Variants in KLHDC2 observed in about 807,000 individuals in gnomAD.
The protein encoded by KLHDC2 is kelch domain containing 2.
KLHDC2 carries 38 observed loss-of-function variants against 62.3 expected under a neutral mutation model. That is an observed-to-expected ratio of 0.61 (90% CI 0.47 to 0.80). KLHDC2 has a LOEUF of 0.80. Among genes scored for constraint, KLHDC2 ranks in the 30% least tolerant of loss-of-function variants. The pLI, the probability that KLHDC2 is intolerant of heterozygous loss-of-function variation, is 0.00. For missense variants in KLHDC2, 430 were observed against 495.3 expected (o/e 0.87, Z 1.25); for synonymous variants, 159 against 161.0 (o/e 0.99, Z 0.09).
chr14:49,779,639 C>A lies in KLHDC2; in HGVS notation c.678C>A (p.Val226=), dbSNP rs199762647. The A allele has an allele frequency of 6.2e-7, 1 of 1,614,094 alleles. No homozygotes were observed. Among genetic ancestry groups the A allele is most frequent in the Admixed American group, 1.7e-5 (1 of 60,024 alleles). The change falls in exon 7 of 13, where the codon GTC becomes GTA. Residue 226 remains valine, a synonymous_variant. Coordinates refer to ENST00000298307, the MANE Select transcript of KLHDC2 (RefSeq NM_014315.3). ...SPRAAHACAT[V]GNRGFVFGGR... is the part of the protein sequence containing the mutation. ...GTGCTGCCCATGCCTGTGCAACTGT[C>A]GGAAATAGAGGCTTCGTGTTTGGAG...
rs147973630 is a variant in KLHDC2, at chr14:49,768,941, A to T, written c.153+320A>T. On this transcript the variant is annotated intron_variant, in intron 1 of 12. Coordinates refer to ENST00000298307, the MANE Select transcript of KLHDC2 (RefSeq NM_014315.3). Reference sequence around the variant, plus strand: ...CCTGTTAATGTTGCTTGGGCGGTGCATTCGGAAGGGTTGGGGTGTGAAAGG... The same window carrying T: ...CCTGTTAATGTTGCTTGGGCGGTGCTTTCGGAAGGGTTGGGGTGTGAAAGG... 6.3e-5 allele frequency: 19 copies of T among 301,108 alleles called. No homozygotes were observed. The East Asian group carries it at 1.4e-3, about 22-fold the overall frequency. 18.7% of individuals were successfully genotyped at this position (301,108 alleles called of 1,614,324 possible).
At chr14:49,768,655 T>G in intron 1 of KLHDC2, 34 bp downstream of exon 1, 1 of 1,543,098 alleles carries the variant, frequency 6.5e-7, no homozygotes. Flanking sequence ...CGGACGTCGC[T>G]CGGCTGTGAC....
At chr14:49,768,696 G>T (rs1481634600) in intron 1 of KLHDC2, 75 bp downstream of exon 1, 1 of 1,360,300 alleles carries the variant, frequency 7.4e-7, no homozygotes, top group Non-Finnish European at 9.6e-7. Flanking sequence ...AGGCGGGGAG[G>T]CCAGAGCGGG....
intron 10 of KLHDC2, among the ~76,000 whole-genome samples, chr14:49,781,496 A>G (rs1208490274): frequency 6.6e-6 from 1 of 152,066 alleles, no homozygotes; most frequent in East Asian, 1.9e-4. Flanking sequence ...CTGGAGGCTG[A>G]GGCAGGCAGA....
chr14:49,781,369 CAAA>C (rs1555343492), intron 10 of KLHDC2, among the ~76,000 whole-genome samples: 2 of 124,692 alleles, frequency 1.6e-5, no homozygotes, highest in Admixed American at 8.4e-5. Context: ...AACTCTGTCT[CAAA>C]AAAAAAAAAA....
rs1398372524 is a variant in KLHDC2 at position 49,785,735 on chromosome 14, A to G, written c.*2782A>G. ...AAACACCATCTCTACAAAAAATATA[A>G]AAGTTAGCTGGGTATAGTGGGTGCC... On this transcript the variant is annotated 3_prime_UTR_variant, in exon 13 of 13. Coordinates refer to ENST00000298307, the MANE Select transcript of KLHDC2 (RefSeq NM_014315.3). 1.1e-5 allele frequency: 2 copies of G among 182,252 alleles called. No individual in the cohort carries two copies. Among genetic ancestry groups the G allele is most frequent in the South Asian group, 1.1e-4 (1 of 9,094 alleles). The allele number at this position is 182,252 out of a possible 1,614,324, so 11.3% of individuals were successfully genotyped here. A position where few individuals can be genotyped will look rare whatever the true frequency, so the allele number is the denominator to read the frequency against.
chr14:49,769,770 C>G (rs987596959), intron 1 of KLHDC2, among the ~76,000 whole-genome samples: 3 of 78,026 alleles, frequency 3.8e-5, no homozygotes, highest in Admixed American at 1.6e-4. Context: ...AACTCCGTCT[C>G]TACTAAAAAT....
In KLHDC2 at chr14:49,779,580, ATGTGCCTCTAAT is replaced by A. The variant is rs1442001321; in HGVS notation, c.634-14_634-3del. The A allele has an allele frequency of 1.9e-6, 3 of 1,607,140 alleles. No individual in the cohort carries two copies. The highest frequency in any genetic ancestry group is 2.6e-6 in the Non-Finnish European group (3 of 1,174,564). ...TTATAAAAAGTTCACTAACTTGCTT[ATGTGCCTCTAAT>A]AGGGTAAAGCACCTTCACCTCGTGC... is the stretch of plus-strand genomic sequence containing the variant. On this transcript the variant is annotated splice_polypyrimidine_tract_variant and splice_region_variant and intron_variant, in intron 6 of 12. Coordinates refer to ENST00000298307, the MANE Select transcript of KLHDC2 (RefSeq NM_014315.3).
Position 49,780,736 on chromosome 14 carries a change from A to T in KLHDC2, c.917A>T (p.Glu306Val). Residue 306 changes from glutamate to valine, a missense_variant, in exon 10 of 13, where the codon GAA becomes GTA. By Grantham distance (121) the Glu-to-Val change is moderately radical (BLOSUM62 -2). Transcript: ENST00000298307. The stretch of plus-strand genomic sequence containing the variant: ...TGGACTTACTGCATCAGTAAAAATG[A>T]ATGGATACAATTTAATCATCCATAT... The part of the protein sequence containing the change: ...DAWTYCISKN[E>V]WIQFNHPYTE... 1 of 1,608,756 alleles carries T rather than the reference A, an allele frequency of 6.2e-7. No homozygotes were observed. Among genetic ancestry groups the T allele is most frequent in the Non-Finnish European group, 8.5e-7 (1 of 1,175,098 alleles).
Position 49,785,177 on chromosome 14 carries a change from A to C in KLHDC2, c.*2224A>C, listed in dbSNP as rs531650499. Reference sequence around the variant, plus strand: ...CATGTGTTACTAAATAGACGTTACAAAACAATTCACAAAAGCCATTCTGTC... The same window carrying C: ...CATGTGTTACTAAATAGACGTTACACAACAATTCACAAAAGCCATTCTGTC... On this transcript the variant is annotated 3_prime_UTR_variant, in exon 13 of 13. Coordinates refer to ENST00000298307, the MANE Select transcript of KLHDC2 (RefSeq NM_014315.3). 1.9e-6 allele frequency: 3 copies of C among 1,603,824 alleles called. No individual in the cohort carries two copies. The highest frequency in any genetic ancestry group is 2.2e-5 in the East Asian group (1 of 44,790).
In KLHDC2 at chr14:49,771,138, T is replaced by G. The variant is rs183942329; in HGVS notation, c.154-456T>G. On this transcript the variant is annotated intron_variant, in intron 1 of 12. Coordinates refer to ENST00000298307, the MANE Select transcript of KLHDC2 (RefSeq NM_014315.3). ...CTGAGGTGGGTGGATTGCTTGAGGT[T>G]GGGAGTTTGAGACCAGCCTGGCCAA... Among the ~76,000 whole-genome samples, 9 of 151,870 alleles carry G rather than the reference T, an allele frequency of 5.9e-5. No homozygotes were observed. The East Asian group carries it at 1.8e-3, about 30-fold the overall frequency.
rs796384304 is a variant in KLHDC2 at position 49,779,508 on chromosome 14, A to C, written c.634-87A>C. 4.9e-5 allele frequency: 47 copies of C among 951,856 alleles called. No homozygotes were observed. In the African/African-American group the frequency reaches 6.4e-4, roughly 13 times the overall value. 59.0% of individuals were successfully genotyped at this position (951,856 alleles called of 1,614,324 possible). The stretch of plus-strand genomic sequence containing the variant: ...CAACTTTTAAAAGCTCAAGTGCCTT[A>C]CATATTCTTATCCCATATCCAGAGT... On this transcript the variant is annotated intron_variant, in intron 6 of 12. Coordinates refer to ENST00000298307, the MANE Select transcript of KLHDC2 (RefSeq NM_014315.3).
At position 49,777,878 on chromosome 14, in the gene KLHDC2, C is replaced by G. The variant is rs202015978; in HGVS notation, c.391C>G (p.Gln131Glu). ...LDSRSTDRVLQWERIDCQGIP... is the reference protein window; with the variant it reads ...LDSRSTDRVLEWERIDCQGIP... ...TTCAAGGTCTACAGACAGAGTGTTA[C>G]AGTGGGAAAGAATTGATTGCCAAGG... is the stretch of plus-strand genomic sequence containing the variant. Residue 131 changes from glutamine (Q) to glutamate (E), a missense_variant, in exon 4 of 13, where the codon CAG (glutamine) becomes GAG (glutamate). Coordinates refer to ENST00000298307, the MANE Select transcript of KLHDC2 (RefSeq NM_014315.3). 9.3e-6 allele frequency: 15 copies of G among 1,610,904 alleles called. No homozygotes were observed. The highest frequency in any genetic ancestry group is 1.3e-5 in the African/African-American group (1 of 74,956).
intron 6 of KLHDC2, among the ~76,000 whole-genome samples, 158 bp from the exon 7 acceptor site, chr14:49,779,437 T>G (rs1889841283): frequency 6.6e-6 from 1 of 152,228 alleles, no homozygotes; most frequent in South Asian, 2.1e-4. Context: ...TGCCCAGTTT[T>G]GGTAGTCAGC....
chr14:49,771,497 C>T, intron 1 of KLHDC2, 97 bp from the exon 2 acceptor site: 1 of 635,540 alleles, frequency 1.6e-6, no homozygotes, highest in Non-Finnish European at 2.8e-6. Context: ...ATTTTTCATA[C>T]TAATTATGAA....
In KLHDC2 at chr14:49,777,868, CAG is replaced by C. The variant is rs774922971; in HGVS notation, c.384_385del (p.Arg128SerfsTer8). The C allele has an allele frequency of 8.1e-6, 13 of 1,606,896 alleles. No homozygotes were observed. Among genetic ancestry groups the C allele is most frequent in the South Asian group, 1.1e-5 (1 of 90,308 alleles). ...FYMLDSRSTD[R>X]VLQWERIDCQ... is the part of the protein sequence containing the mutation. ...ACATGCTGGATTCAAGGTCTACAGA[CAG>C]AGTGTTACAGTGGGAAAGAATTGAT... is the stretch of plus-strand genomic sequence containing the variant. On this transcript the variant is annotated frameshift_variant, in exon 4 of 13. Coordinates refer to ENST00000298307, the MANE Select transcript of KLHDC2 (RefSeq NM_014315.3). LOFTEE classifies it high-confidence loss of function.
intron 1 of KLHDC2, among the ~76,000 whole-genome samples, chr14:49,770,430 A>T (rs541104195): frequency 1.3e-5 from 2 of 152,320 alleles, no homozygotes; most frequent in African/African-American, 4.8e-5. Context: ...TGGAAAAAGA[A>T]GTTGTTTTAC....
intron 10 of KLHDC2, 92 bp from the exon 11 acceptor site, chr14:49,782,278 C>T (rs1889941209): frequency 3.1e-5 from 24 of 769,138 alleles, no homozygotes; most frequent in South Asian, 1.8e-4. Context: ...ACCTTAAGAT[C>T]GCTAGTCTTT....
rs1258683314 is a variant in KLHDC2, at chr14:49,784,899, AT to A, written c.*1948del. On this transcript the variant is annotated 3_prime_UTR_variant, in exon 13 of 13. Coordinates refer to ENST00000298307, the MANE Select transcript of KLHDC2 (RefSeq NM_014315.3). ...TTTAAATTGTACTGTCAGTCTCCACATTCCTTTTCTGAAGGAGAACTTTACC... is the reference window on the plus strand; with the variant it reads ...TTTAAATTGTACTGTCAGTCTCCACATCCTTTTCTGAAGGAGAACTTTACC... 1.3e-6 allele frequency: 2 copies of A among 1,592,406 alleles called. No individual in the cohort carries two copies. Among genetic ancestry groups the A allele is most frequent in the Non-Finnish European group, 1.7e-6 (2 of 1,161,752 alleles).
Sources: gnomAD v4.1 joint callset for allele counts (sites outside exome capture counted in the v4.1 genomes callset) on GRCh38, gnomAD v4.1.1 for gene constraint, MANE v1.5 for transcripts, NCBI Gene and HGNC (gene_info 2026-07-23, HGNC 2026-07-21) for gene names.